Variants in NOP9 observed in about 807,000 individuals in gnomAD.
The protein encoded by NOP9 is NOP9 nucleolar protein, also known as nucleolar protein 9.
NOP9 carries 50 observed loss-of-function variants against 63.0 expected under a neutral mutation model. The ratio of observed to expected loss-of-function variants is 0.79; its 90% CI spans 0.63 to 1.00. NOP9 has a LOEUF of 1.00. NOP9 is among the 50% of genes least tolerant of loss of function. The pLI is 0.00. For synonymous variants in NOP9, 343 were observed against 332.8 expected (o/e 1.03, Z -0.33); for missense variants, 758 against 803.0 (o/e 0.94, Z 0.68).
At chr14:24,298,809 AC>A, upstream of NOP9, 1 of 1,027,544 alleles carries the variant, frequency 9.7e-7, no homozygotes, top group Non-Finnish European at 1.3e-6. Flanking sequence ...GAAGTTATTT[AC>A]GGGGTTTTTA....
chr14:24,301,821 A>G, intron 3 of NOP9, 99 bp downstream of exon 3: 1 of 1,499,232 alleles, frequency 6.7e-7, no homozygotes, highest in African/African-American at 1.4e-5. Context: ...TCTTCTTTTC[A>G]AACCTGGTCT....
chr14:24,289,458 G>C, the NOP9 span, among the ~76,000 whole-genome samples: 4 of 152,152 alleles, frequency 2.6e-5, no homozygotes. Context: ...GCTGTGGAAG[G>C]CTGGAGGTGG....
chr14:24,301,369 T>C (rs2041373899), intron 2 of NOP9, among the ~76,000 whole-genome samples: 1 of 152,238 alleles, frequency 6.6e-6, no homozygotes, highest in African/African-American at 2.4e-5. Flanking sequence ...TATTTTGGAA[T>C]GGCTTGAATA....
At chr14:24,296,846 C>G, upstream of NOP9, 1 of 1,614,260 alleles carries the variant, frequency 6.2e-7, no homozygotes, top group Non-Finnish European at 8.5e-7. Flanking sequence ...TTGAATCGCA[C>G]ACCACAGGCA....
At chr14:24,298,871 C>T (rs1594613318), upstream of NOP9, 14 of 1,399,274 alleles carry the variant, frequency 1.0e-5, no homozygotes, top group Non-Finnish European at 1.3e-5. Context: ...ATTATAGTTT[C>T]AGGTAAGGGA....
At chr14:24,289,726 A>T in the NOP9 span, among the ~76,000 whole-genome samples, 1 of 152,232 alleles carries the variant, frequency 6.6e-6, no homozygotes, top group Non-Finnish European at 1.5e-5. Flanking sequence ...GTGGACTTTC[A>T]TGGGACATGT....
chr14:24,281,965 TG>T, the NOP9 span, among the ~76,000 whole-genome samples: 1 of 152,148 alleles, frequency 6.6e-6, no homozygotes, highest in Non-Finnish European at 1.5e-5. Flanking sequence ...CCCAGCATTT[TG>T]GGAGGCCAAG....
chr14:24,300,598 A>G lies in NOP9; in HGVS notation c.438A>G (p.Leu146=), dbSNP rs2041353962. 1 of 1,614,148 alleles carries G rather than the reference A, an allele frequency of 6.2e-7. No homozygotes were observed. The highest frequency in any genetic ancestry group is 8.5e-7 in the Non-Finnish European group (1 of 1,180,030). ...GTCACCGATGCGGGGTCCATGTATTACAAAGTGCTTTGCTACAGCTCCCTC... is the reference window on the plus strand; with the variant it reads ...GTCACCGATGCGGGGTCCATGTATTGCAAAGTGCTTTGCTACAGCTCCCTC... ...VACHRCGVHV[L]QSALLQLPRL... Residue 146 remains leucine (L), a synonymous_variant, in exon 2 of 10, where the codon TTA becomes TTG. Coordinates refer to ENST00000267425, the MANE Select transcript of NOP9 (RefSeq NM_174913.3).
chr14:24,274,029 C>T, the NOP9 span, among the ~76,000 whole-genome samples: 1 of 152,158 alleles, frequency 6.6e-6, no homozygotes, highest in Non-Finnish European at 1.5e-5. Context: ...AGCTGAGGCT[C>T]AGAAAGATTA....
At chr14:24,281,839 A>C in the NOP9 span, among the ~76,000 whole-genome samples, 1 of 151,716 alleles carries the variant, frequency 6.6e-6, no homozygotes, top group Non-Finnish European at 1.5e-5. Context: ...AGGCTGGGTG[A>C]GCTTGGGAAA....
At chr14:24,271,255 A>G in the NOP9 span, 1 of 1,110,868 alleles carries the variant, frequency 9.0e-7, no homozygotes, top group Non-Finnish European at 1.3e-6. Flanking sequence ...GTGCCTGGGC[A>G]GAGACCCCCA....
upstream of NOP9, chr14:24,296,764 C>G: frequency 1.9e-6 from 3 of 1,614,178 alleles, no homozygotes; most frequent in Non-Finnish European, 2.5e-6. Context: ...GCATTGTTGA[C>G]CAGCACATCT....
chr14:24,287,306 G>A, the NOP9 span, among the ~76,000 whole-genome samples: 4 of 152,274 alleles, frequency 2.6e-5, no homozygotes, highest in South Asian at 8.3e-4. Context: ...TGTGGTCACT[G>A]AGCACCATTT....
rs1238625918 is a variant in NOP9, at chr14:24,301,686, C to T, written c.772C>T (p.Gln258Ter). The change falls in exon 3 of 10, where the codon CAG becomes TAG. Residue 258 changes from glutamine (Q) to a stop codon, truncating the protein, a stop_gained. Transcript: ENST00000267425. LOFTEE classifies it high-confidence loss of function. ...CCCTGAAACCTTTTTGAATCGCCTT[C>T]AGGACCTGAGCTCCTCCTTTCTGAA... ...EVPETFLNRL[Q>*]DLSSSFLKDI... 12 of 1,614,180 alleles carry T rather than the reference C, an allele frequency of 7.4e-6. No homozygotes were observed. The highest frequency in any genetic ancestry group is 1.0e-5 in the Non-Finnish European group (12 of 1,180,024).
chr14:24,292,243 C>G, the NOP9 span: 1 of 1,614,074 alleles, frequency 6.2e-7, no homozygotes, highest in Non-Finnish European at 8.5e-7. Flanking sequence ...TTCAGCAGTT[C>G]TGTCTGCACA....
chr14:24,294,184 C>T, the NOP9 span: 5 of 152,158 alleles, frequency 3.3e-5, no homozygotes, highest in South Asian at 2.1e-4. Flanking sequence ...CTTTTATTAG[C>T]GTCACACCAA....
At chr14:24,304,449 T>C (rs1451721471) in intron 8 of NOP9, 44 bp from the exon 9 acceptor site, 1 of 1,518,284 alleles carries the variant, frequency 6.6e-7, no homozygotes, top group African/African-American at 1.4e-5. Context: ...AAAATACTTT[T>C]GTGGATTTTG....
chr14:24,291,512 A>G, the NOP9 span: 2 of 1,598,754 alleles, frequency 1.3e-6, no homozygotes, highest in Non-Finnish European at 1.7e-6. Flanking sequence ...CGCACTACAC[A>G]TCCTCCATGC....
chr14:24,280,925 G>T, the NOP9 span, among the ~76,000 whole-genome samples: 1 of 152,190 alleles, frequency 6.6e-6, no homozygotes, highest in Admixed American at 6.5e-5. Context: ...ACTCCAGGCT[G>T]TAGGGCCAGG....
Sources: allele counts gnomAD v4.1 joint callset (sites outside exome capture counted in the v4.1 genomes callset), GRCh38; gene constraint gnomAD v4.1.1; transcripts MANE v1.5; gene names NCBI Gene and HGNC (gene_info 2026-07-23, HGNC 2026-07-21).